SPAG16: variants seen among roughly 807,000 people sequenced by gnomAD.
The protein encoded by SPAG16 is sperm associated antigen 16, also known as sperm-associated antigen 16 protein.
A neutral mutation model predicts 80.4 loss-of-function variants in SPAG16; 86 were observed. That is an observed-to-expected ratio of 1.07 (90% CI 0.90 to 1.28). The LOEUF (loss-of-function observed/expected upper bound fraction) is 1.28. SPAG16 is among the 50% of genes most tolerant of loss of function. The pLI, the probability that SPAG16 is intolerant of heterozygous loss-of-function variation, is 0.00. For missense variants in SPAG16, 870 were observed against 765.3 expected (o/e 1.14, Z -1.61); for synonymous variants, 294 against 265.9 (o/e 1.11, Z -1.03).
At chr2:213,821,083 T>C (rs1355259770) in intron 10 of SPAG16, among the ~76,000 whole-genome samples, 1 of 152,114 alleles carries the variant, frequency 6.6e-6, no homozygotes, top group Non-Finnish European at 1.5e-5. Context: ...TTCTGCCGGC[T>C]ATTTTCTTTT....
chr2:213,794,971 G>C (rs2070932474), intron 10 of SPAG16, among the ~76,000 whole-genome samples: 1 of 151,890 alleles, frequency 6.6e-6, no homozygotes, highest in Admixed American at 6.6e-5. Context: ...TTCTCTACTG[G>C]ACCACTATTA....
chr2:213,513,264 C>T (rs748332262), intron 10 of SPAG16, among the ~76,000 whole-genome samples: 94 of 152,178 alleles, frequency 6.2e-4, no homozygotes, highest in Non-Finnish European at 7.8e-4. Flanking sequence ...CCAAACCTAA[C>T]GTGGTCATAC....
chr2:214,080,501 G>A (rs1169941829), intron 13 of SPAG16, among the ~76,000 whole-genome samples: 10 of 150,286 alleles, frequency 6.7e-5, no homozygotes, highest in East Asian at 1.9e-4. Flanking sequence ...CCAGCTACTC[G>A]GGAGGCTGAG....
chr2:213,639,485 C>T (rs1472156842), intron 10 of SPAG16, among the ~76,000 whole-genome samples: 1 of 152,120 alleles, frequency 6.6e-6, no homozygotes, highest in Non-Finnish European at 1.5e-5. Flanking sequence ...AAGACTTTAT[C>T]TCCCCTTCGT....
intron 15 of SPAG16, among the ~76,000 whole-genome samples, chr2:214,185,075 A>T (rs775711447): frequency 2.0e-5 from 3 of 152,058 alleles, no homozygotes; most frequent in Non-Finnish European, 4.4e-5. Flanking sequence ...TGCATAGCTT[A>T]TTGACAAAGG....
chr2:213,455,628 C>T (rs2071954070), intron 9 of SPAG16, among the ~76,000 whole-genome samples: 1 of 152,178 alleles, frequency 6.6e-6, no homozygotes, highest in African/African-American at 2.4e-5. Flanking sequence ...AAAACTGTTC[C>T]ACCTCAGATC....
chr2:213,520,981 A>T (rs1261172740), intron 10 of SPAG16, among the ~76,000 whole-genome samples: 1 of 151,970 alleles, frequency 6.6e-6, no homozygotes, highest in African/African-American at 2.4e-5. Context: ...GTGCCAGGGG[A>T]TGTCTGGGGC....
At chr2:213,769,892 A>G (rs1160264539) in intron 10 of SPAG16, among the ~76,000 whole-genome samples, 2 of 152,200 alleles carry the variant, frequency 1.3e-5, no homozygotes, top group African/African-American at 2.4e-5. Context: ...ATCAACTCAC[A>G]AAGTGTGCCC....
At chr2:214,047,214 C>G (rs1292873508) in intron 13 of SPAG16, among the ~76,000 whole-genome samples, 1 of 152,016 alleles carries the variant, frequency 6.6e-6, no homozygotes, top group Admixed American at 6.6e-5. Context: ...CACAAAAGAC[C>G]TAGAATATCC....
chr2:214,225,068 A>G (rs1436204888), intron 15 of SPAG16, among the ~76,000 whole-genome samples: 1 of 152,214 alleles, frequency 6.6e-6, no homozygotes, highest in Non-Finnish European at 1.5e-5. Flanking sequence ...TAAGCCATGC[A>G]TATAGAAGAG....
chr2:213,636,720 T>TA (rs2062377760), intron 10 of SPAG16, among the ~76,000 whole-genome samples: 1 of 152,220 alleles, frequency 6.6e-6, no homozygotes. Context: ...GCAGCTATTG[T>TA]AAAAGGGGTT....
chr2:214,027,603 C>T (rs1162230961), intron 13 of SPAG16, among the ~76,000 whole-genome samples: 4 of 151,884 alleles, frequency 2.6e-5, no homozygotes, highest in Non-Finnish European at 5.9e-5. Flanking sequence ...TATACTCTTT[C>T]CAGCAATCCA....
chr2:214,263,687 TGAAA>T (rs972072445), intron 15 of SPAG16, among the ~76,000 whole-genome samples: 2 of 152,312 alleles, frequency 1.3e-5, no homozygotes, highest in African/African-American at 4.8e-5. Flanking sequence ...AGCACTTGGC[TGAAA>T]GAAAGTTAAT....
intron 15 of SPAG16, among the ~76,000 whole-genome samples, chr2:214,236,423 G>A (rs573876622): frequency 6.6e-6 from 1 of 152,122 alleles, no homozygotes; most frequent in Non-Finnish European, 1.5e-5. Flanking sequence ...AGGCCTAGTC[G>A]GGTGGATCTT....
At chr2:214,332,911 T>G (rs1377043680) in intron 15 of SPAG16, among the ~76,000 whole-genome samples, 1 of 152,188 alleles carries the variant, frequency 6.6e-6, no homozygotes, top group Non-Finnish European at 1.5e-5. Flanking sequence ...GGATAGGAGT[T>G]CCTTAATTAC....
At chr2:213,712,169 A>G (rs1203063545) in intron 10 of SPAG16, among the ~76,000 whole-genome samples, 1 of 152,174 alleles carries the variant, frequency 6.6e-6, no homozygotes, top group Non-Finnish European at 1.5e-5. Context: ...ATATACATAC[A>G]TATAAGTATA....
intron 11 of SPAG16, among the ~76,000 whole-genome samples, chr2:213,877,529 A>G (rs1023093726): frequency 8.5e-5 from 13 of 152,228 alleles, no homozygotes; most frequent in African/African-American, 2.9e-4. Context: ...TGTGCAAGCT[A>G]ATCCCAAACT....
chr2:213,531,621 G>C (rs988106610), intron 10 of SPAG16, among the ~76,000 whole-genome samples: 1 of 151,996 alleles, frequency 6.6e-6, no homozygotes, highest in African/African-American at 2.4e-5. Context: ...TTAGAGTTTT[G>C]CCAAAGATAT....
intron 15 of SPAG16, among the ~76,000 whole-genome samples, chr2:214,380,250 A>G (rs1458103443): frequency 6.6e-6 from 1 of 152,238 alleles, no homozygotes; most frequent in Non-Finnish European, 1.5e-5. Context: ...GGTAGAAACT[A>G]GAGGCCTTTT....
Sources: allele counts gnomAD v4.1 joint callset (sites outside exome capture counted in the v4.1 genomes callset), GRCh38; gene constraint gnomAD v4.1.1; transcripts MANE v1.5; gene names NCBI Gene and HGNC (gene_info 2026-07-23, HGNC 2026-07-21).